The following CSGALNACT1 variants were observed in gnomAD, a reference collection of about 807,000 sequenced individuals.
CSGALNACT1 encodes beta4GalNAcT-1.
CSGALNACT1 carries 52 observed loss-of-function variants against 51.0 expected under a neutral mutation model. The ratio of observed to expected loss-of-function variants is 1.02; its 90% CI spans 0.82 to 1.29. The LOEUF (loss-of-function observed/expected upper bound fraction) is 1.29, where lower values mean the gene tolerates loss of function less well. CSGALNACT1 is among the 50% of genes most tolerant of loss of function. The pLI is 0.00. For synonymous variants in CSGALNACT1, 341 were observed against 254.4 expected (o/e 1.34, Z -3.24); for missense variants, 935 against 679.2 (o/e 1.38, Z -4.19).
At chr8:19,479,477 CATTATT>C (rs1396866252) in intron 4 of CSGALNACT1, among the ~76,000 whole-genome samples, 1 of 152,132 alleles carries the variant, frequency 6.6e-6, no homozygotes, top group Non-Finnish European at 1.5e-5. Flanking sequence ...CTTTTTCTTT[CATTATT>C]ATTATCAAAC....
chr8:19,750,445 G>A (rs772635804), intron 1 of CSGALNACT1, among the ~76,000 whole-genome samples: 3 of 152,196 alleles, frequency 2.0e-5, no homozygotes, highest in Non-Finnish European at 2.9e-5. Context: ...AGGGAAGGGA[G>A]AGGTTGAGAG....
At chr8:19,493,858 G>A (rs1025080767) in intron 4 of CSGALNACT1, among the ~76,000 whole-genome samples, 5 of 139,166 alleles carry the variant, frequency 3.6e-5, no homozygotes, top group African/African-American at 5.4e-5. Context: ...GTATATATAC[G>A]TATGTGTGTT....
At chr8:19,611,929 G>C (rs1236536340) in intron 1 of CSGALNACT1, among the ~76,000 whole-genome samples, 1 of 151,952 alleles carries the variant, frequency 6.6e-6, no homozygotes, top group Admixed American at 6.6e-5. Context: ...TGGATCTGTT[G>C]CCTTTATGGT....
rs753236477 is a variant in CSGALNACT1, at chr8:19,540,793, C to G, written c.-296-34663G>C. Among the ~76,000 whole-genome samples, 45 of 152,276 alleles carry G rather than the reference C, an allele frequency of 3.0e-4. No homozygotes were observed. In the Middle Eastern group the frequency reaches 0.01, roughly 35 times the overall value. On this transcript the variant is annotated intron_variant, in intron 3 of 9. Coordinates refer to ENST00000454498, the Ensembl canonical transcript of CSGALNACT1. ...TGCCCAGGAAGCCTTTCCTCTCCCT[C>G]CACCGGATCATCTTTCTCCCTTTGC...
chr8:19,404,607 A>AATAC, exon 10 of CSGALNACT1: 1 of 168,938 alleles, frequency 5.9e-6, no homozygotes, highest in East Asian at 3.3e-4. Flanking sequence ...GATCTTTCAC[A>AATAC]ATATATATAT....
intron 5 of CSGALNACT1, among the ~76,000 whole-genome samples, chr8:19,452,373 G>C (rs2063325732): frequency 6.6e-6 from 1 of 151,516 alleles, no homozygotes; most frequent in Non-Finnish European, 1.5e-5. Context: ...AAAGTGGAGA[G>C]GGAAGGTAAT....
At chr8:19,714,679 A>G (rs529549468) in intron 1 of CSGALNACT1, among the ~76,000 whole-genome samples, 10 of 151,880 alleles carry the variant, frequency 6.6e-5, no homozygotes, top group African/African-American at 2.4e-4. Context: ...AGTTATTTTA[A>G]GCCCCCTATC....
intron 4 of CSGALNACT1, among the ~76,000 whole-genome samples, chr8:19,468,751 G>A (rs981701158): frequency 2.6e-5 from 4 of 152,092 alleles, no homozygotes; most frequent in East Asian, 1.9e-4. Flanking sequence ...AGCTTTGGAC[G>A]GGCTGATTTG....
At chr8:19,417,853 C>T (rs527808450) in intron 8 of CSGALNACT1, among the ~76,000 whole-genome samples, 12 of 152,298 alleles carry the variant, frequency 7.9e-5, no homozygotes, top group South Asian at 2.1e-4. Context: ...TCAACAATAC[C>T]GGGAAATTCC....
At chr8:19,593,669 A>G (rs2048305592) in intron 2 of CSGALNACT1, among the ~76,000 whole-genome samples, 2 of 152,232 alleles carry the variant, frequency 1.3e-5, no homozygotes, top group African/African-American at 4.8e-5. Context: ...TTCATCTTAA[A>G]TCAAATGAGC....
At chr8:19,435,441 C>T (rs1585933139) in intron 6 of CSGALNACT1, among the ~76,000 whole-genome samples, 4 of 150,216 alleles carry the variant, frequency 2.7e-5, no homozygotes, top group African/African-American at 9.8e-5. Context: ...TGCAGGGAGC[C>T]GAGACTGTGC....
At chr8:19,564,215 T>C (rs2041427413) in intron 3 of CSGALNACT1, among the ~76,000 whole-genome samples, 1 of 152,216 alleles carries the variant, frequency 6.6e-6, no homozygotes, top group Non-Finnish European at 1.5e-5. Context: ...AGACAACCCG[T>C]TGATTTTCAA....
intron 1 of CSGALNACT1, among the ~76,000 whole-genome samples, chr8:19,676,761 A>T (rs1486092352): frequency 1.3e-5 from 2 of 152,234 alleles, no homozygotes; most frequent in South Asian, 2.1e-4. Flanking sequence ...GACATTGGCA[A>T]GAGGAAGAGA....
At chr8:19,750,131 C>A (rs754759795) in intron 1 of CSGALNACT1, among the ~76,000 whole-genome samples, 1 of 152,184 alleles carries the variant, frequency 6.6e-6, no homozygotes, top group Non-Finnish European at 1.5e-5. Flanking sequence ...TTCCATGAGA[C>A]CTGAGTTCTT....
intron 6 of CSGALNACT1, among the ~76,000 whole-genome samples, chr8:19,437,196 A>G (rs1431036060): frequency 1.3e-5 from 2 of 152,198 alleles, no homozygotes; most frequent in African/African-American, 4.8e-5. Context: ...TGGAAGTCAG[A>G]AAGAGCTCCA....
At chr8:19,550,579 A>T (rs1164974966) in intron 3 of CSGALNACT1, among the ~76,000 whole-genome samples, 1 of 151,544 alleles carries the variant, frequency 6.6e-6, no homozygotes, top group East Asian at 1.9e-4. Flanking sequence ...CTGCTTATTT[A>T]TTTGGTCTCA....
chr8:19,656,737 G>C (rs961358623), intron 1 of CSGALNACT1, among the ~76,000 whole-genome samples: 1 of 151,968 alleles, frequency 6.6e-6, no homozygotes, highest in South Asian at 2.1e-4. Context: ...TTAAAAATAA[G>C]CAGCTTTTAA....
At chr8:19,737,218 G>C (rs1426894040) in intron 1 of CSGALNACT1, among the ~76,000 whole-genome samples, 1 of 151,940 alleles carries the variant, frequency 6.6e-6, no homozygotes, top group Non-Finnish European at 1.5e-5. Flanking sequence ...CTTCCAACAG[G>C]CCCTTACTAA....
intron 1 of CSGALNACT1, among the ~76,000 whole-genome samples, chr8:19,714,932 C>T (rs536520416): frequency 6.6e-6 from 1 of 152,172 alleles, no homozygotes; most frequent in African/African-American, 2.4e-5. Context: ...CCTCTACCCT[C>T]AAGTGGGCCC....
Sources: allele counts gnomAD v4.1 joint callset (sites outside exome capture counted in the v4.1 genomes callset), GRCh38; gene constraint gnomAD v4.1.1; transcripts MANE v1.5; gene names NCBI Gene and HGNC (gene_info 2026-07-23, HGNC 2026-07-21).